The following XYLT1 variants were observed in gnomAD, a reference collection of about 807,000 sequenced individuals.
XYLT1 encodes the protein xylosyltransferase 1, also known as beta-D-xylosyltransferase 1.
Under a neutral mutation model 91.3 loss-of-function variants are expected in XYLT1, and 36 were observed. That is an observed-to-expected ratio of 0.39 (90% CI 0.30 to 0.52). The LOEUF is 0.52. Among genes scored for constraint, XYLT1 ranks in the 20% least tolerant of loss-of-function variants. XYLT1 has a pLI of 0.68. For synonymous variants in XYLT1, 588 were observed against 532.0 expected, an observed-to-expected ratio of 1.11 and a Z score of -1.45; for missense variants, 1,242 against 1,284.5, an observed-to-expected ratio of 0.97 and a Z score of 0.51.
At chr16:17,434,574 G>A (rs1359520768) in intron 1 of XYLT1, among the ~76,000 whole-genome samples, 1 of 152,146 alleles carries the variant, frequency 6.6e-6, no homozygotes, top group African/African-American at 2.4e-5. Flanking sequence ...AAAAACAATG[G>A]GGCCAGGCAC....
intron 2 of XYLT1, among the ~76,000 whole-genome samples, chr16:17,320,980 G>A (rs530634459): frequency 6.6e-6 from 1 of 152,160 alleles, no homozygotes; most frequent in East Asian, 1.9e-4. Flanking sequence ...TAGGGTAGGT[G>A]GAGCCCTGTC....
At chr16:17,198,187 G>C in intron 5 of XYLT1, 25 bp downstream of exon 5, 1 of 1,613,456 alleles carries the variant, frequency 6.2e-7, no homozygotes, top group East Asian at 2.2e-5. Flanking sequence ...AGACAAGACT[G>C]GCTTGGGGCC....
Position 17,197,014 on chromosome 16 carries a change from A to AT in XYLT1, c.1289+1197_1289+1198insA, listed in dbSNP as rs1597184723. 3.4e-4 allele frequency among the ~76,000 whole-genome samples: 38 copies of AT among 110,498 alleles called. 1 individual carries two copies. The highest frequency in any genetic ancestry group is 1.7e-3 in the African/African-American group (37 of 22,302). 72.5% of individuals were successfully genotyped at this position (110,498 alleles called of 152,430 possible). A position where few individuals can be genotyped will look rare whatever the true frequency, so the allele number is the denominator to read the frequency against. Reference sequence around the variant, plus strand: ...TGACAGAGCGAGACTCTGTCTCCAAAATATATATATATATATAGATATATA... The same window carrying AT: ...TGACAGAGCGAGACTCTGTCTCCAAATATATATATATATATATAGATATATA... On this transcript the variant is annotated intron_variant, in intron 5 of 11. Transcript: ENST00000261381.
chr16:17,187,566 CAAAA>C lies in XYLT1; in HGVS notation c.1289+10642_1289+10645del, dbSNP rs57130941. On this transcript the variant is annotated intron_variant, in intron 5 of 11. Transcript: ENST00000261381. Reference sequence around the variant, plus strand: ...TGGGTGACAGAGCCAAACGCTGTCTCAAAAAAAAAAAAAAAAAAAAAAGAAAGAT... The same window carrying C: ...TGGGTGACAGAGCCAAACGCTGTCTCAAAAAAAAAAAAAAAAAAGAAAGAT... Among the ~76,000 whole-genome samples, 30 of 57,234 alleles carry C rather than the reference CAAAA, an allele frequency of 5.2e-4. 1 individual carries two copies. Among genetic ancestry groups the C allele is most frequent in the South Asian group, 5.2e-3 (5 of 970 alleles). 37.5% of individuals were successfully genotyped at this position (57,234 alleles called of 152,430 possible). A position where few individuals can be genotyped will look rare whatever the true frequency, so the allele number is the denominator to read the frequency against.
intron 1 of XYLT1, chr16:17,369,704 A>G (rs2035503890): frequency 6.6e-6 from 1 of 152,212 alleles, no homozygotes; most frequent in Non-Finnish European, 1.5e-5. Flanking sequence ...ACACAGGACC[A>G]TCTTCCTCTA....
At chr16:17,281,218 C>CAG (rs2034053610) in intron 2 of XYLT1, among the ~76,000 whole-genome samples, 1 of 152,136 alleles carries the variant, frequency 6.6e-6, no homozygotes, top group South Asian at 2.1e-4. Context: ...AGGCAGGCAT[C>CAG]AGAGCCCCAG....
At chr16:17,126,120 G>C (rs571561642) in intron 10 of XYLT1, among the ~76,000 whole-genome samples, 1 of 152,270 alleles carries the variant, frequency 6.6e-6, no homozygotes, top group African/African-American at 2.4e-5. Context: ...ATACAAGTTA[G>C]GGCTCTCTGC....
chr16:17,379,757 T>TCACACACACA (rs1240413974), intron 1 of XYLT1, among the ~76,000 whole-genome samples: 52 of 129,988 alleles, frequency 4.0e-4, no homozygotes, highest in African/African-American at 1.5e-3. Context: ...TCTCTCTCTC[T>TCACACACACA]CTCTCTCACA....
At chr16:17,452,898 G>C (rs932169501) in intron 1 of XYLT1, among the ~76,000 whole-genome samples, 37 of 152,046 alleles carry the variant, frequency 2.4e-4, no homozygotes, top group African/African-American at 8.7e-4. Flanking sequence ...CCTTTGTAAA[G>C]AGTTTCAATG....
chr16:17,291,122 G>T (rs1263915059), intron 2 of XYLT1, among the ~76,000 whole-genome samples: 1 of 151,998 alleles, frequency 6.6e-6, no homozygotes, highest in African/African-American at 2.4e-5. Context: ...GCAGCGACTG[G>T]GTTAATATAT....
At chr16:17,452,761 T>TGA (rs2036683547) in intron 1 of XYLT1, among the ~76,000 whole-genome samples, 1 of 152,224 alleles carries the variant, frequency 6.6e-6, no homozygotes, top group African/African-American at 2.4e-5. Flanking sequence ...TTTTGAAATC[T>TGA]ATTAAGATTC....
At position 17,198,242 on chromosome 16, in the gene XYLT1, A is replaced by G. The variant is rs747349926; in HGVS notation, c.1259T>C (p.Ile420Thr). ...GGGGTAGTCGGCCGCACTCAGGTTGATGAAGAAGTCCCAGGGCCAGTCGGT... is the reference window on the plus strand; with the variant it reads ...GGGGTAGTCGGCCGCACTCAGGTTGGTGAAGAAGTCCCAGGGCCAGTCGGT... ...EMTDWPWDFF[I>T]NLSAADYPIR... Residue 420 changes from isoleucine to threonine, a missense_variant, in exon 5 of 12, where the codon ATC becomes ACC. Physicochemically the swap from Ile to Thr is moderately conservative, Grantham distance 89. This residue lies in a region of XYLT1 where 294 missense variants were observed against 376.0 expected (regional missense o/e 0.78). Coordinates refer to ENST00000261381, the MANE Select transcript of XYLT1 (RefSeq NM_022166.4). 2.1e-5 allele frequency: 34 copies of G among 1,614,158 alleles called. No homozygotes were observed. Among genetic ancestry groups the G allele is most frequent in the Non-Finnish European group, 2.7e-5 (32 of 1,180,016 alleles).
At position 17,442,722 on chromosome 16, in the gene XYLT1, G is replaced by A. The variant is rs1424784827; in HGVS notation, c.363+27712C>T. Among the ~76,000 whole-genome samples, 4 of 152,160 alleles carry A rather than the reference G, an allele frequency of 2.6e-5. 1 individual carries two copies. Among genetic ancestry groups the A allele is most frequent in the Non-Finnish European group, 5.9e-5 (4 of 68,032 alleles). Reference sequence around the variant, plus strand: ...GCAGAGCATCCTCCAATAAGCCTTTGCAGCTCTCTTCCCTCTTCCCCATCT... The same window carrying A: ...GCAGAGCATCCTCCAATAAGCCTTTACAGCTCTCTTCCCTCTTCCCCATCT... On this transcript the variant is annotated intron_variant, in intron 1 of 11. Transcript: ENST00000261381.
Position 17,288,352 on chromosome 16 carries a change from A to G in XYLT1, c.403-28854T>C, listed in dbSNP as rs147815806. Among the ~76,000 whole-genome samples the G allele has an allele frequency of 7.4e-4, 113 of 151,962 alleles. 1 individual carries two copies. The highest frequency in any genetic ancestry group is 3.5e-3 in the East Asian group (18 of 5,128). On this transcript the variant is annotated intron_variant, in intron 2 of 11. Coordinates refer to ENST00000261381, the MANE Select transcript of XYLT1 (RefSeq NM_022166.4). ...CAATTGCCAGCAAAACCCTTGGTGTATAACTTAGCTATACAGTTTCACTCA... is the reference window on the plus strand; with the variant it reads ...CAATTGCCAGCAAAACCCTTGGTGTGTAACTTAGCTATACAGTTTCACTCA...
chr16:17,399,614 A>AT lies in XYLT1; in HGVS notation c.364-41565dup, dbSNP rs536524483. On this transcript the variant is annotated intron_variant, in intron 1 of 11. Transcript: ENST00000261381. ...GGACCTATATTGGAAAAATAATGGC[A>AT]TTTTCTCAACAAATTATCTCACAGC... Among the ~76,000 whole-genome samples, 299 of 152,314 alleles carry AT rather than the reference A, an allele frequency of 2.0e-3. 2 individuals carry two copies. Among genetic ancestry groups the AT allele is most frequent in the African/African-American group, 6.8e-3 (281 of 41,572 alleles).
chr16:17,266,613 A>G lies in XYLT1; in HGVS notation c.403-7115T>C, dbSNP rs570851482. On this transcript the variant is annotated intron_variant, in intron 2 of 11. Transcript: ENST00000261381. The stretch of plus-strand genomic sequence containing the variant: ...CTCTCCGCAGCTATTAGGAATAGGG[A>G]CAGGGCCAAAGGGAAACCCCAGCCA... 4.8e-3 allele frequency among the ~76,000 whole-genome samples: 732 copies of G among 152,252 alleles called. 8 individuals are homozygous for G. The highest frequency in any genetic ancestry group is 0.016 in the African/African-American group (681 of 41,544).
At chr16:17,454,903 T>TCC (rs201490419) in intron 1 of XYLT1, among the ~76,000 whole-genome samples, 3 of 36,972 alleles carry the variant, frequency 8.1e-5, no homozygotes, top group African/African-American at 1.9e-4. Context: ...CATTCTTTCC[T>TCC]CCCCCCCCCG....
rs148570058 is a variant in XYLT1, at chr16:17,155,179, C to T, written c.1370+3650G>A. Among the ~76,000 whole-genome samples the T allele has an allele frequency of 3.2e-4, 48 of 152,322 alleles. No homozygotes were observed. In the East Asian group the frequency reaches 6.0e-3, roughly 19 times the overall value. On this transcript the variant is annotated intron_variant, in intron 6 of 11. Coordinates refer to ENST00000261381, the MANE Select transcript of XYLT1 (RefSeq NM_022166.4). ...TGAGCTTGGACTCTGTGAACACTCACTTGGGTGTGAGTCCTCCCCGCTGCC... is the reference window on the plus strand; with the variant it reads ...TGAGCTTGGACTCTGTGAACACTCATTTGGGTGTGAGTCCTCCCCGCTGCC...
chr16:17,238,384 T>C (rs1256281781), intron 3 of XYLT1, among the ~76,000 whole-genome samples: 3 of 152,216 alleles, frequency 2.0e-5, no homozygotes, highest in Non-Finnish European at 4.4e-5. Context: ...AAAGTGCAAC[T>C]ACTTTTGCAC....
Sources: gnomAD v4.1 joint callset for allele counts (sites outside exome capture counted in the v4.1 genomes callset) on GRCh38, gnomAD v4.1.1 for gene constraint, gnomAD v4.1.1 regional missense constraint, MANE v1.5 for transcripts, NCBI Gene and HGNC (gene_info 2026-07-23, HGNC 2026-07-21) for gene names.